KLF12: variants seen among roughly 807,000 people sequenced by gnomAD.
KLF12 encodes the protein Krueppel-like factor 12.
KLF12 carries 9 observed loss-of-function variants against 37.8 expected under a neutral mutation model. That is an observed-to-expected ratio of 0.24 (90% CI 0.14 to 0.42). The LOEUF is 0.42. Among genes scored for constraint, KLF12 ranks in the 10% least tolerant of loss-of-function variants. The probability of loss-of-function intolerance (pLI) is 1.00; values close to 1 mark genes in which losing one functional copy is unlikely to be tolerated. For synonymous variants in KLF12, 208 were observed against 202.1 expected (o/e 1.03, Z -0.25); for missense variants, 411 against 516.0 (o/e 0.80, Z 1.97).
the KLF12 span, among the ~76,000 whole-genome samples, chr13:74,211,335 A>G: frequency 6.6e-6 from 1 of 152,122 alleles, no homozygotes; most frequent in African/African-American, 2.4e-5. Context: ...CAGAAAGGAA[A>G]ATAGCCAACC....
chr13:74,241,638 G>A, the KLF12 span, among the ~76,000 whole-genome samples: 1 of 152,244 alleles, frequency 6.6e-6, no homozygotes, highest in African/African-American at 2.4e-5. Flanking sequence ...CCAGGTGCCG[G>A]ATATAATCTC....
chr13:73,764,863 C>T (rs987315242), intron 6 of KLF12, 75 bp downstream of exon 6: 21 of 819,252 alleles, frequency 2.6e-5, no homozygotes, highest in African/African-American at 1.2e-4. Context: ...AGGACTAATT[C>T]TCTTAATTTT....
intron 3 of KLF12, among the ~76,000 whole-genome samples, chr13:73,878,742 C>T (rs1252608913): frequency 6.6e-6 from 1 of 152,106 alleles, no homozygotes; most frequent in South Asian, 2.1e-4. Flanking sequence ...TAAAGTGAGA[C>T]GTGATCTGAA....
chr13:73,901,444 ATTATCT>A (rs1360196399), intron 3 of KLF12, among the ~76,000 whole-genome samples: 1 of 152,108 alleles, frequency 6.6e-6, no homozygotes, highest in Non-Finnish European at 1.5e-5. Context: ...AGCACTAAAC[ATTATCT>A]TTACATTAGC....
chr13:73,843,309 C>CT (rs549107140), intron 4 of KLF12, among the ~76,000 whole-genome samples: 138 of 143,222 alleles, frequency 9.6e-4, no homozygotes, highest in Middle Eastern at 7.2e-3. Context: ...ACATTATGTT[C>CT]TTTTTTTTTT....
chr13:73,865,991 C>T (rs544792904), intron 3 of KLF12, among the ~76,000 whole-genome samples: 10 of 152,204 alleles, frequency 6.6e-5, no homozygotes, highest in Non-Finnish European at 1.3e-4. Context: ...CACAGTGGCT[C>T]ACGCCTATAA....
chr13:73,985,885 C>T (rs938823578), intron 2 of KLF12, among the ~76,000 whole-genome samples: 4 of 152,108 alleles, frequency 2.6e-5, no homozygotes, highest in South Asian at 2.1e-4. Context: ...ATCTCACTAC[C>T]CTGAAAGAGG....
At chr13:74,128,333 G>T (rs1246650064) in intron 1 of KLF12, among the ~76,000 whole-genome samples, 1 of 152,152 alleles carries the variant, frequency 6.6e-6, no homozygotes, top group Non-Finnish European at 1.5e-5. Flanking sequence ...TTGAGAAACA[G>T]GAAAGTTTAT....
chr13:74,263,020 T>C, the KLF12 span, among the ~76,000 whole-genome samples: 1 of 152,116 alleles, frequency 6.6e-6, no homozygotes, highest in Non-Finnish European at 1.5e-5. Context: ...AATGTCAGCC[T>C]CAGAGCTAAA....
chr13:74,165,928 G>C, the KLF12 span, among the ~76,000 whole-genome samples: 1 of 152,118 alleles, frequency 6.6e-6, no homozygotes, highest in African/African-American at 2.4e-5. Flanking sequence ...TCTGTTTGCA[G>C]GGAGGAAAGA....
chr13:74,165,712 T>G, the KLF12 span, among the ~76,000 whole-genome samples: 1 of 152,354 alleles, frequency 6.6e-6, no homozygotes, highest in South Asian at 2.1e-4. Context: ...TACTGTATTC[T>G]TTTGGAGGAG....
At chr13:74,161,330 C>T in the KLF12 span, among the ~76,000 whole-genome samples, 1 of 151,974 alleles carries the variant, frequency 6.6e-6, no homozygotes, top group Non-Finnish European at 1.5e-5. Context: ...AGTTAAGGTT[C>T]TAAGATAAAA....
chr13:73,776,725 T>C (rs1212188638), intron 5 of KLF12, among the ~76,000 whole-genome samples: 1 of 152,206 alleles, frequency 6.6e-6, no homozygotes, highest in Non-Finnish European at 1.5e-5. Flanking sequence ...TATTGGTTAT[T>C]ACTATATTAA....
At chr13:74,204,594 T>A in the KLF12 span, among the ~76,000 whole-genome samples, 1 of 152,134 alleles carries the variant, frequency 6.6e-6, no homozygotes, top group Non-Finnish European at 1.5e-5. Flanking sequence ...TCTTGCCCAA[T>A]TATTTGAGGA....
chr13:74,198,637 T>A, the KLF12 span, among the ~76,000 whole-genome samples: 1 of 152,178 alleles, frequency 6.6e-6, no homozygotes, highest in Non-Finnish European at 1.5e-5. Context: ...TCTTTGTTAT[T>A]TTGTTTCTAG....
the KLF12 span, among the ~76,000 whole-genome samples, chr13:74,158,304 G>C: frequency 6.6e-6 from 1 of 152,104 alleles, no homozygotes; most frequent in Non-Finnish European, 1.5e-5. Context: ...GGGACTTAAA[G>C]GGGGGTGTAA....
At chr13:73,984,801 A>G (rs1459543221) in intron 2 of KLF12, among the ~76,000 whole-genome samples, 2 of 152,244 alleles carry the variant, frequency 1.3e-5, no homozygotes, top group Non-Finnish European at 2.9e-5. Flanking sequence ...GGATTCCTCC[A>G]GTTTGAAGAT....
the KLF12 span, among the ~76,000 whole-genome samples, chr13:74,285,994 A>C: frequency 6.6e-6 from 1 of 152,116 alleles, no homozygotes; most frequent in East Asian, 1.9e-4. Flanking sequence ...CTTTTTAGGC[A>C]CAAGAAATCC....
chr13:74,177,189 T>A, the KLF12 span, among the ~76,000 whole-genome samples: 1 of 152,154 alleles, frequency 6.6e-6, no homozygotes, highest in Non-Finnish European at 1.5e-5. Context: ...AACATGAAAA[T>A]TGACTTTACA....
Sources: gnomAD v4.1 joint callset for allele counts (sites outside exome capture counted in the v4.1 genomes callset) on GRCh38, gnomAD v4.1.1 for gene constraint, MANE v1.5 for transcripts, NCBI Gene and HGNC (gene_info 2026-07-23, HGNC 2026-07-21) for gene names.